PBX1: variants seen among roughly 807,000 people sequenced by gnomAD.
PBX1 encodes the protein pre-B-cell leukemia transcription factor 1.
A neutral mutation model predicts 53.4 loss-of-function variants in PBX1; 6 were observed. That is an observed-to-expected ratio of 0.11 (90% CI 0.06 to 0.22). The LOEUF (loss-of-function observed/expected upper bound fraction) is 0.22, where lower values mean the gene tolerates loss of function less well. Among genes scored for constraint, PBX1 ranks in the 10% least tolerant of loss-of-function variants. The pLI, the probability that PBX1 is intolerant of heterozygous loss-of-function variation, is 1.00. For missense variants in PBX1, 251 were observed against 551.4 expected (o/e 0.46, Z 5.46); for synonymous variants, 204 against 212.3 (o/e 0.96, Z 0.34).
chr1:164,776,239 C>T (rs1205001208), intron 2 of PBX1, among the ~76,000 whole-genome samples: 1 of 152,168 alleles, frequency 6.6e-6, no homozygotes, highest in Non-Finnish European at 1.5e-5. Context: ...TGGGTTCCTT[C>T]CCAGGTACCT....
At chr1:164,870,247 T>C (rs1326356387) in intron 2 of PBX1, among the ~76,000 whole-genome samples, 8 of 61,554 alleles carry the variant, frequency 1.3e-4, no homozygotes, top group African/African-American at 4.8e-4. Flanking sequence ...CCTTCCTTCC[T>C]TCCTTCCTTC....
At chr1:164,602,570 TC>T (rs1656247886) in intron 2 of PBX1, among the ~76,000 whole-genome samples, 1 of 152,232 alleles carries the variant, frequency 6.6e-6, no homozygotes, top group African/African-American at 2.4e-5. Flanking sequence ...TCATACAGCC[TC>T]CACAGACACA....
intron 2 of PBX1, among the ~76,000 whole-genome samples, chr1:164,631,833 C>T (rs1224940367): frequency 6.6e-6 from 1 of 152,166 alleles, no homozygotes; most frequent in Non-Finnish European, 1.5e-5. Flanking sequence ...CCATATTCGA[C>T]TATTTTCATA....
intron 2 of PBX1, among the ~76,000 whole-genome samples, chr1:164,758,212 C>T (rs1666627977): frequency 2.0e-5 from 3 of 152,188 alleles, no homozygotes; most frequent in Admixed American, 1.3e-4. Context: ...GATCTGTGAG[C>T]GGAACGTTGT....
chr1:164,880,240 A>G (rs1672615470), intron 2 of PBX1, among the ~76,000 whole-genome samples: 1 of 152,168 alleles, frequency 6.6e-6, no homozygotes, highest in Non-Finnish European at 1.5e-5. Context: ...CTCATATTTG[A>G]TGCTAGGGAC....
intron 2 of PBX1, among the ~76,000 whole-genome samples, chr1:164,611,035 T>C (rs1039283348): frequency 1.3e-5 from 2 of 152,324 alleles, no homozygotes; most frequent in African/African-American, 4.8e-5. Context: ...GCTCTTTCTG[T>C]GTCTGTCCCA....
Position 164,835,528 on chromosome 1 carries a change from G to A in PBX1, c.1201-11056G>A, listed in dbSNP as rs575576923. 5.3e-5 allele frequency among the ~76,000 whole-genome samples: 8 copies of A among 152,048 alleles called. 1 individual carries two copies. Among genetic ancestry groups the A allele is most frequent in the South Asian group, 4.2e-4 (2 of 4,816 alleles). ...TTATCAAATCATTAAATGGCATCTC[G>A]TTTTTATTTTAACTTGTATCCCTTG... On this transcript the variant is annotated intron_variant, in intron 8 of 8. Transcript: ENST00000420696.
intron 2 of PBX1, among the ~76,000 whole-genome samples, chr1:164,579,937 C>G (rs1654495489): frequency 6.6e-6 from 1 of 152,130 alleles, no homozygotes; most frequent in Admixed American, 6.5e-5. Flanking sequence ...AGTGAATCTT[C>G]CTAAAGTCAC....
chr1:164,812,254 G>T, intron 6 of PBX1, 105 bp downstream of exon 6: 3 of 1,073,954 alleles, frequency 2.8e-6, no homozygotes, highest in South Asian at 3.7e-5. Context: ...GCTTTTGATT[G>T]GTTAATTTCT....
At chr1:164,870,169 T>C (rs1333292138) in intron 2 of PBX1, among the ~76,000 whole-genome samples, 1 of 152,160 alleles carries the variant, frequency 6.6e-6, no homozygotes, top group African/African-American at 2.4e-5. Context: ...ATTCTCATTC[T>C]AAAATCACTT....
Position 164,847,192 on chromosome 1 carries a change from A to C in PBX1, c.*516A>C. ...CTACCTCTTAGCAGGAATACTCCAC[A>C]TTGCCCTATTCATTCCAGGCCTCCC... On this transcript the variant is annotated 3_prime_UTR_variant, in exon 9 of 9. Transcript: ENST00000420696. 9.3e-7 allele frequency: 1 copy of C among 1,080,432 alleles called. No individual in the cohort carries two copies. 66.9% of individuals were successfully genotyped at this position (1,080,432 alleles called of 1,614,324 possible). A position where few individuals can be genotyped will look rare whatever the true frequency, so the allele number is the denominator to read the frequency against.
intron 2 of PBX1, among the ~76,000 whole-genome samples, chr1:164,582,884 T>A (rs1472817708): frequency 1.3e-5 from 2 of 152,232 alleles, no homozygotes; most frequent in Non-Finnish European, 2.9e-5. Context: ...TGTAATTCTC[T>A]TGTTAGACTC....
intron 2 of PBX1, among the ~76,000 whole-genome samples, chr1:164,623,291 A>G (rs1657814105): frequency 6.6e-6 from 1 of 152,226 alleles, no homozygotes; most frequent in South Asian, 2.1e-4. Context: ...AGGGAATCGA[A>G]GAACGTCACC....
chr1:164,660,694 C>G (rs777004847), intron 2 of PBX1, among the ~76,000 whole-genome samples: 28 of 152,178 alleles, frequency 1.8e-4, no homozygotes, highest in Non-Finnish European at 4.0e-4. Context: ...CTTTTATGTA[C>G]ATCATCCTTG....
At chr1:164,749,561 G>A (rs1000128446) in intron 2 of PBX1, among the ~76,000 whole-genome samples, 24 of 152,146 alleles carry the variant, frequency 1.6e-4, no homozygotes, top group Non-Finnish European at 3.4e-4. Context: ...GGAGTTGCTG[G>A]AGATTTTTGG....
At chr1:164,841,892 C>T (rs1230781418) in intron 8 of PBX1, among the ~76,000 whole-genome samples, 1 of 152,150 alleles carries the variant, frequency 6.6e-6, no homozygotes, top group Admixed American at 6.5e-5. Context: ...GAAGGCATCT[C>T]TAGTAATGGC....
chr1:164,630,858 A>G (rs1037322170), intron 2 of PBX1: 2 of 152,230 alleles, frequency 1.3e-5, no homozygotes, highest in African/African-American at 4.8e-5. Flanking sequence ...TAGTAAAGTA[A>G]GAATGACGAG....
intron 2 of PBX1, among the ~76,000 whole-genome samples, chr1:164,724,855 T>A (rs1267158556): frequency 6.6e-6 from 1 of 152,060 alleles, no homozygotes; most frequent in Non-Finnish European, 1.5e-5. Flanking sequence ...TTGTTGCCTC[T>A]CCAGGTGTGA....
In PBX1 at chr1:164,849,550, T is replaced by G. The variant is rs1421850501; in HGVS notation, c.*2874T>G. On this transcript the variant is annotated 3_prime_UTR_variant, in exon 9 of 9. Coordinates refer to ENST00000420696, the MANE Select transcript of PBX1 (RefSeq NM_002585.4). ...GATGCACCCCAGGATTTCTTCATTTTCTAATAGATGTGGGAGTGCTCCATT... is the reference window on the plus strand; with the variant it reads ...GATGCACCCCAGGATTTCTTCATTTGCTAATAGATGTGGGAGTGCTCCATT... The G allele has an allele frequency of 9.0e-6, 11 of 1,217,726 alleles. No individual in the cohort carries two copies. Among genetic ancestry groups the G allele is most frequent in the South Asian group, 1.6e-5 (1 of 63,706 alleles). 75.4% of individuals were successfully genotyped at this position (1,217,726 alleles called of 1,614,324 possible).
Sources: allele counts gnomAD v4.1 joint callset (sites outside exome capture counted in the v4.1 genomes callset), GRCh38; gene constraint gnomAD v4.1.1; transcripts MANE v1.5; gene names NCBI Gene and HGNC (gene_info 2026-07-23, HGNC 2026-07-21).